The following LRRC37B variants were observed in gnomAD, a reference collection of about 807,000 sequenced individuals.
LRRC37B encodes the protein leucine rich repeat containing 37B, also known as leucine-rich repeat-containing protein 37B.
LRRC37B carries 28 observed loss-of-function variants against 98.3 expected under a neutral mutation model. That is an observed-to-expected ratio of 0.28 (90% CI 0.21 to 0.39). The LOEUF is 0.39. LRRC37B is among the 10% of genes least tolerant of loss of function. The probability of loss-of-function intolerance (pLI) is 1.00; values close to 1 mark genes in which losing one functional copy is unlikely to be tolerated. For synonymous variants in LRRC37B, 364 were observed against 442.7 expected (o/e 0.82, Z 2.23); for missense variants, 938 against 1,182.7 (o/e 0.79, Z 3.03).
chr17:32,019,717 A>G (rs1910720404), upstream of LRRC37B, among the ~76,000 whole-genome samples: 6 of 152,222 alleles, frequency 3.9e-5, no homozygotes, highest in South Asian at 1.2e-3. Context: ...TTTAAATCAA[A>G]CCCACCAAGG....
intron 2 of LRRC37B, among the ~76,000 whole-genome samples, chr17:32,025,066 T>G (rs1910915148): frequency 8.1e-6 from 1 of 123,198 alleles, no homozygotes; most frequent in Non-Finnish European, 1.7e-5. Flanking sequence ...AGACAAGGTC[T>G]TACTTTGTCC....
chr17:32,012,848 C>G (rs1324195340), intron 1 of LRRC37B, among the ~76,000 whole-genome samples: 2 of 152,192 alleles, frequency 1.3e-5, no homozygotes, highest in East Asian at 1.9e-4. Flanking sequence ...GAAACCCCGT[C>G]CCTACTAAAA....
chr17:32,016,953 A>C (rs1014301002), upstream of LRRC37B: 1 of 152,114 alleles, frequency 6.6e-6, no homozygotes, highest in Admixed American at 6.6e-5. Context: ...TGAGTAGCAA[A>C]ATTTGAAGAT....
At chr17:32,053,168 G>A (rs1187172651) in intron 11 of LRRC37B, 98 bp from the exon 15 acceptor site, 30 of 807,018 alleles carry the variant, frequency 3.7e-5, no homozygotes, top group Middle Eastern at 2.3e-4. Context: ...TTATCTCATC[G>A]GGTAGATGAG....
At chr17:32,035,990 C>T in intron 7 of LRRC37B, 1 of 217,664 alleles carries the variant, frequency 4.6e-6, no homozygotes, top group Non-Finnish European at 9.0e-6. Flanking sequence ...TGTTTGACTT[C>T]TTTCACTTAG....
At chr17:32,040,886 C>T (rs1911406384) in intron 7 of LRRC37B, 1 of 884,236 alleles carries the variant, frequency 1.1e-6, no homozygotes, top group Admixed American at 1.7e-5. Flanking sequence ...TGAAGGGGAT[C>T]CAGCACCACC....
intron 5 of LRRC37B, among the ~76,000 whole-genome samples, chr17:32,034,700 C>T (rs1358311230): frequency 6.7e-6 from 1 of 150,328 alleles, no homozygotes; most frequent in Non-Finnish European, 1.5e-5. Context: ...TCTATTTCTT[C>T]CCTGCTTTCT....
At chr17:32,022,886 G>A in intron 1 of LRRC37B, 61 bp downstream of exon 4, 1 of 1,543,460 alleles carries the variant, frequency 6.5e-7, no homozygotes, top group Non-Finnish European at 8.9e-7. Flanking sequence ...GCCTTTTCCT[G>A]GAGGCCTTCC....
upstream of LRRC37B, among the ~76,000 whole-genome samples, chr17:32,019,121 T>C (rs2142238808): frequency 1.3e-5 from 2 of 152,278 alleles, no homozygotes; most frequent in South Asian, 4.1e-4. Context: ...GAGACTGTTT[T>C]TCGCCATGTT....
chr17:32,024,193 G>A (rs1910880853), intron 1 of LRRC37B, among the ~76,000 whole-genome samples: 1 of 151,810 alleles, frequency 6.6e-6, no homozygotes, highest in Non-Finnish European at 1.5e-5. Flanking sequence ...AAATAGAAAG[G>A]TCTAGCAAAA....
intron 1 of LRRC37B, among the ~76,000 whole-genome samples, chr17:32,009,084 C>G (rs558570034): frequency 6.6e-6 from 1 of 152,022 alleles, no homozygotes; most frequent in African/African-American, 2.4e-5. Flanking sequence ...CTGTATCCTC[C>G]CTAGCACTTG....
At chr17:32,051,031 T>C in intron 11 of LRRC37B, 1 of 152,362 alleles carries the variant, frequency 6.6e-6, no homozygotes, top group Non-Finnish European at 1.5e-5. Flanking sequence ...CAGCCCTCCA[T>C]TCCAGCCACA....
At chr17:32,017,804 AAAAC>A (rs1458863390), upstream of LRRC37B, among the ~76,000 whole-genome samples, 1 of 152,200 alleles carries the variant, frequency 6.6e-6, no homozygotes, top group Non-Finnish European at 1.5e-5. Flanking sequence ...AAAAAAACAG[AAAAC>A]AAACAAAAAA....
At chr17:32,014,439 G>A (rs528502252) in intron 1 of LRRC37B, among the ~76,000 whole-genome samples, 6 of 152,270 alleles carry the variant, frequency 3.9e-5, no homozygotes, top group African/African-American at 1.4e-4. Context: ...AGAAAAAAAA[G>A]ACATTTCAGA....
intron 5 of LRRC37B, among the ~76,000 whole-genome samples, chr17:32,032,850 A>T (rs905471842): frequency 6.6e-6 from 1 of 152,188 alleles, no homozygotes; most frequent in African/African-American, 2.4e-5. Context: ...TAAGCACTTT[A>T]TAACAGTGGG....
At chr17:32,033,529 G>T (rs528345686) in intron 5 of LRRC37B, among the ~76,000 whole-genome samples, 16 of 152,344 alleles carry the variant, frequency 1.1e-4, no homozygotes, top group African/African-American at 3.6e-4. Flanking sequence ...CCTAGGACAA[G>T]TTATGTAACC....
intron 8 of LRRC37B, among the ~76,000 whole-genome samples, chr17:32,046,135 T>C (rs1035351291): frequency 1.1e-4 from 16 of 152,256 alleles, no homozygotes. Context: ...CAGTGATAAT[T>C]TCTTCATATA....
intron 7 of LRRC37B, among the ~76,000 whole-genome samples, chr17:32,043,255 A>G (rs1328803101): frequency 2.0e-5 from 3 of 152,262 alleles, no homozygotes; most frequent in South Asian, 2.1e-4. Context: ...GTTTAAAATC[A>G]AAAGCTGGAG....
chr17:32,015,982 T>C (rs920589967), intron 1 of LRRC37B, among the ~76,000 whole-genome samples: 18 of 152,216 alleles, frequency 1.2e-4, no homozygotes, highest in African/African-American at 4.1e-4. Flanking sequence ...TTCAGCAAAG[T>C]AAGATAATTT....
Sources: allele counts gnomAD v4.1 joint callset (sites outside exome capture counted in the v4.1 genomes callset), GRCh38; gene constraint gnomAD v4.1.1; transcripts MANE v1.5; gene names NCBI Gene and HGNC (gene_info 2026-07-23, HGNC 2026-07-21).